The following CDK6 variants were observed in gnomAD, a reference collection of about 807,000 sequenced individuals.
CDK6 encodes cyclin-dependent kinase 6.
A neutral mutation model predicts 37.1 loss-of-function variants in CDK6; 6 were observed. The observed-to-expected ratio is 0.16, with a 90% confidence interval of 0.09 to 0.32. CDK6 has a LOEUF of 0.32. Ranked by LOEUF, CDK6 falls within the 10% of genes least tolerant of loss-of-function variation. The pLI is 1.00. For missense variants in CDK6, 224 were observed against 418.9 expected (o/e 0.53, Z 4.06); for synonymous variants, 160 against 161.3 (o/e 0.99, Z 0.06).
At chr7:92,620,717 G>A (rs1795788659) in intron 6 of CDK6, among the ~76,000 whole-genome samples, 1 of 152,050 alleles carries the variant, frequency 6.6e-6, no homozygotes, top group South Asian at 2.1e-4. Context: ...AGACCAGCCT[G>A]GGCAACATGG....
intron 2 of CDK6, among the ~76,000 whole-genome samples, chr7:92,812,276 T>TC (rs1471093430): frequency 7.9e-5 from 12 of 152,212 alleles, no homozygotes; most frequent in Admixed American, 3.3e-4. Context: ...AGACACATAG[T>TC]CATGTGGCAG....
intron 2 of CDK6, among the ~76,000 whole-genome samples, chr7:92,787,185 C>CAAAAAAAA (rs761038672): frequency 5.6e-5 from 2 of 35,460 alleles, no homozygotes; most frequent in Non-Finnish European, 6.5e-5. Context: ...GACTCCATCA[C>CAAAAAAAA]AAAAAAAAAA....
chr7:92,712,874 G>GTATTTATT (rs1186740480), intron 4 of CDK6, among the ~76,000 whole-genome samples: 28 of 147,960 alleles, frequency 1.9e-4, no homozygotes, highest in African/African-American at 5.9e-4. Context: ...ATGTATGTAT[G>GTATTTATT]TATGTATTTA....
chr7:92,617,528 A>G (rs1363780268), intron 7 of CDK6, among the ~76,000 whole-genome samples: 1 of 152,206 alleles, frequency 6.6e-6, no homozygotes, highest in Non-Finnish European at 1.5e-5. Flanking sequence ...GAAATTATGT[A>G]TATGGTTGAG....
At chr7:92,678,468 G>C (rs1797258366) in intron 4 of CDK6, among the ~76,000 whole-genome samples, 2 of 152,190 alleles carry the variant, frequency 1.3e-5, no homozygotes, top group South Asian at 4.1e-4. Context: ...ATTTACACAA[G>C]TGGATGTATC....
At chr7:92,807,068 T>C (rs2115923716) in intron 2 of CDK6, among the ~76,000 whole-genome samples, 1 of 152,328 alleles carries the variant, frequency 6.6e-6, no homozygotes, top group South Asian at 2.1e-4. Flanking sequence ...CCTTGAACTT[T>C]TTGGTTTGTT....
chr7:92,649,787 A>G (rs1796531925), intron 5 of CDK6, among the ~76,000 whole-genome samples: 1 of 152,204 alleles, frequency 6.6e-6, no homozygotes. Context: ...CCTGTGCTTA[A>G]CTACCTTTGG....
rs1168492245 is a variant in CDK6 at position 92,834,454 on chromosome 7, G to T, written c.-367-764C>A. ...CCTTGGGAAGACCAGCCATCTGGTC[G>T]GGGAGGGTTGGGGCTTATCGGGGGT... On this transcript the variant is annotated intron_variant, in intron 1 of 7. Transcript: ENST00000424848. The surrounding 1 kb of genome is among the most constrained non-coding windows in gnomAD (Gnocchi z 4.6). Among the ~76,000 whole-genome samples, 5 of 151,812 alleles carry T rather than the reference G, an allele frequency of 3.3e-5. No individual in the cohort carries two copies. Among genetic ancestry groups the T allele is most frequent in the African/African-American group, 9.7e-5 (4 of 41,396 alleles).
rs957591826 is a variant in CDK6 at position 92,611,391 on chromosome 7, T to G, written c.*3749A>C. 4.4e-6 allele frequency: 1 copy of G among 227,728 alleles called. No individual in the cohort carries two copies. Among genetic ancestry groups the G allele is most frequent in the Non-Finnish European group, 8.7e-6 (1 of 114,710 alleles). The allele number at this position is 227,728 out of a possible 1,614,324, so 14.1% of individuals were successfully genotyped here. On this transcript the variant is annotated 3_prime_UTR_variant, in exon 8 of 8. Coordinates refer to ENST00000424848, the MANE Select transcript of CDK6 (RefSeq NM_001145306.2). Reference sequence around the variant, plus strand: ...TAGACTCAACTATGCAATTAAAGCCTGCTTTTGGAAAATGTAAGACACTCT... The same window carrying G: ...TAGACTCAACTATGCAATTAAAGCCGGCTTTTGGAAAATGTAAGACACTCT...
chr7:92,686,029 T>C (rs1253803845), intron 4 of CDK6, among the ~76,000 whole-genome samples: 1 of 152,208 alleles, frequency 6.6e-6, no homozygotes, highest in Non-Finnish European at 1.5e-5. Flanking sequence ...ATTTCTAGAA[T>C]TGCAATAAAG....
intron 2 of CDK6, among the ~76,000 whole-genome samples, chr7:92,795,644 GAACT>G (rs1333072349): frequency 6.6e-6 from 1 of 151,900 alleles, no homozygotes; most frequent in Admixed American, 6.6e-5. Flanking sequence ...CAATAGAAGA[GAACT>G]AACTGTGCCA....
Position 92,835,064 on chromosome 7 carries a change from G to C in CDK6, c.-367-1374C>G, listed in dbSNP as rs1299137604. On this transcript the variant is annotated intron_variant, in intron 1 of 7. Transcript: ENST00000424848. The surrounding 1 kb of genome is among the most constrained non-coding windows in gnomAD (Gnocchi z 4.2). The stretch of plus-strand genomic sequence containing the variant: ...CCGCTGGCCCGCTCGCCTTTTGCCA[G>C]GAATTAAACAAACGGCGCGACCCCC... The C allele has an allele frequency of 1.3e-5, 2 of 152,224 alleles. No homozygotes were observed. Among genetic ancestry groups the C allele is most frequent in the Non-Finnish European group, 2.9e-5 (2 of 68,036 alleles). The allele number at this position is 152,224 out of a possible 1,614,324, so 9.4% of individuals were successfully genotyped here. A position where few individuals can be genotyped will look rare whatever the true frequency, so the allele number is the denominator to read the frequency against.
intron 3 of CDK6, among the ~76,000 whole-genome samples, chr7:92,760,013 C>T (rs1799415731): frequency 1.3e-5 from 2 of 152,126 alleles, no homozygotes; most frequent in Non-Finnish European, 2.9e-5. Flanking sequence ...GGACAATCTC[C>T]CTGTACCTGC....
intron 2 of CDK6, among the ~76,000 whole-genome samples, chr7:92,824,750 T>A (rs1400828327): frequency 6.6e-6 from 1 of 152,148 alleles, no homozygotes; most frequent in East Asian, 1.9e-4. Context: ...CAGGAATTCA[T>A]TTTGTTAATA....
intron 5 of CDK6, among the ~76,000 whole-genome samples, chr7:92,660,827 G>T (rs1282070250): frequency 6.6e-6 from 1 of 152,186 alleles, no homozygotes; most frequent in Non-Finnish European, 1.5e-5. Context: ...AAAAGGGAAG[G>T]TAAGAGAAGC....
intron 4 of CDK6, among the ~76,000 whole-genome samples, chr7:92,707,054 T>C (rs1392917747): frequency 1.3e-5 from 2 of 152,190 alleles, no homozygotes; most frequent in East Asian, 3.8e-4. Context: ...ATCTAAACTT[T>C]AGTAAAAGTG....
chr7:92,610,552 GA>G lies in CDK6; in HGVS notation c.*4587del, dbSNP rs1432540683. On this transcript the variant is annotated 3_prime_UTR_variant, in exon 8 of 8. Coordinates refer to ENST00000424848, the MANE Select transcript of CDK6 (RefSeq NM_001145306.2). ...TGGTTTATTTTCTGAAAAAGTACAA[GA>G]TAGAAATGCTTGAGATATAGGGATG... The G allele has an allele frequency of 1.3e-5, 3 of 228,912 alleles. No individual in the cohort carries two copies. Among genetic ancestry groups the G allele is most frequent in the African/African-American group, 6.6e-5 (3 of 45,138 alleles). 14.2% of individuals were successfully genotyped at this position (228,912 alleles called of 1,614,324 possible). A position where few individuals can be genotyped will look rare whatever the true frequency, so the allele number is the denominator to read the frequency against.
chr7:92,645,480 GATA>G (rs1796425604), intron 5 of CDK6, among the ~76,000 whole-genome samples: 1 of 152,228 alleles, frequency 6.6e-6, no homozygotes, highest in African/African-American at 2.4e-5. Context: ...GAGTGCACAT[GATA>G]ATAAGATTTC....
intron 3 of CDK6, among the ~76,000 whole-genome samples, chr7:92,755,214 C>T (rs1449307822): frequency 6.6e-6 from 1 of 152,140 alleles, no homozygotes; most frequent in Non-Finnish European, 1.5e-5. Context: ...AGACACATTG[C>T]TGTGGGGCCC....
Sources: gnomAD v4.1 joint callset for allele counts (sites outside exome capture counted in the v4.1 genomes callset) on GRCh38, gnomAD v4.1.1 for gene constraint, Gnocchi (gnomAD v3.1) non-coding constraint, MANE v1.5 for transcripts, NCBI Gene and HGNC (gene_info 2026-07-23, HGNC 2026-07-21) for gene names.